Variants in EBF1 observed in about 807,000 individuals in gnomAD.
EBF1 encodes EBF transcription factor 1, also known as transcription factor COE1.
EBF1 carries 10 observed loss-of-function variants against 68.4 expected under a neutral mutation model. The observed-to-expected ratio is 0.15, with a 90% CI of 0.09 to 0.25. EBF1 has a LOEUF of 0.25. Ranked by LOEUF, EBF1 falls within the 10% of genes least tolerant of loss-of-function variation. The probability of loss-of-function intolerance (pLI) is 1.00; values close to 1 mark genes in which losing one functional copy is unlikely to be tolerated. For missense variants in EBF1, 509 were observed against 794.4 expected (o/e 0.64, Z 4.32); for synonymous variants, 298 against 299.8 (o/e 0.99, Z 0.06).
At chr5:158,927,057 C>T (rs1657530889) in intron 6 of EBF1, among the ~76,000 whole-genome samples, 1 of 152,178 alleles carries the variant, frequency 6.6e-6, no homozygotes, top group Non-Finnish European at 1.5e-5. Flanking sequence ...GTGGCTTCAC[C>T]CCATCTATGC....
chr5:159,001,672 T>C (rs758840022), intron 6 of EBF1, among the ~76,000 whole-genome samples: 14 of 152,320 alleles, frequency 9.2e-5, no homozygotes, highest in Non-Finnish European at 1.6e-4. Flanking sequence ...ACTAAAGTTG[T>C]TTAGATTTTT....
chr5:158,826,967 T>C (rs1162681320), intron 7 of EBF1, among the ~76,000 whole-genome samples: 2 of 152,208 alleles, frequency 1.3e-5, no homozygotes, highest in African/African-American at 4.8e-5. Context: ...CAAGCTTTCC[T>C]GGTTGATGTG....
chr5:158,985,013 T>A lies in EBF1; in HGVS notation c.554+88383A>T, dbSNP rs556054351. On this transcript the variant is annotated intron_variant, in intron 6 of 15. Coordinates refer to ENST00000313708, the MANE Select transcript of EBF1 (RefSeq NM_024007.5). ...CTGCTTTCTTTTCATTGAATTTTTC[T>A]TGTGGTTACCTCCCATCTACGGCAG... Among the ~76,000 whole-genome samples, 178 of 152,296 alleles carry A rather than the reference T, an allele frequency of 1.2e-3. 1 individual carries two copies. Among genetic ancestry groups the A allele is most frequent in the Non-Finnish European group, 2.2e-3 (151 of 68,030 alleles).
intron 10 of EBF1, among the ~76,000 whole-genome samples, chr5:158,769,575 C>T (rs967668110): frequency 2.0e-5 from 3 of 152,086 alleles, no homozygotes; most frequent in Non-Finnish European, 4.4e-5. Flanking sequence ...ATAGCTGTCA[C>T]GGAAGTACAA....
At chr5:158,806,653 T>A (rs1273655160) in intron 8 of EBF1, among the ~76,000 whole-genome samples, 1 of 152,190 alleles carries the variant, frequency 6.6e-6, no homozygotes, top group Non-Finnish European at 1.5e-5. Flanking sequence ...TAAGATGACT[T>A]ACACTTATTG....
chr5:158,969,486 G>A (rs966543930), intron 6 of EBF1, among the ~76,000 whole-genome samples: 7 of 151,754 alleles, frequency 4.6e-5, no homozygotes, highest in African/African-American at 7.3e-5. Context: ...GCTAGGGGCC[G>A]GGGGCTGTGG....
At chr5:158,797,578 CA>C (rs765862349) in intron 8 of EBF1, among the ~76,000 whole-genome samples, 1 of 151,966 alleles carries the variant, frequency 6.6e-6, no homozygotes, top group Non-Finnish European at 1.5e-5. Flanking sequence ...AAAAAACTGG[CA>C]AAAAAATATT....
At chr5:158,825,445 T>C (rs1785864437) in intron 7 of EBF1, among the ~76,000 whole-genome samples, 2 of 151,456 alleles carry the variant, frequency 1.3e-5, no homozygotes, top group Non-Finnish European at 2.9e-5. Flanking sequence ...CTGTTTTCAG[T>C]GTCAGGAAAT....
intron 9 of EBF1, among the ~76,000 whole-genome samples, chr5:158,795,945 A>C (rs1016567382): frequency 4.6e-5 from 7 of 152,186 alleles, no homozygotes; most frequent in Non-Finnish European, 1.0e-4. Flanking sequence ...ATGTTCCTTG[A>C]AGATCAGGCT....
At chr5:158,895,973 T>C (rs1193209379) in intron 6 of EBF1, among the ~76,000 whole-genome samples, 1 of 151,746 alleles carries the variant, frequency 6.6e-6, no homozygotes, top group Non-Finnish European at 1.5e-5. Context: ...GGTTAAAAGA[T>C]GGAAAGGAAA....
At chr5:158,837,767 C>A (rs1789156398) in intron 7 of EBF1, among the ~76,000 whole-genome samples, 1 of 152,128 alleles carries the variant, frequency 6.6e-6, no homozygotes, top group Admixed American at 6.5e-5. Context: ...CTTTTAGGTT[C>A]CCAGTGTCAT....
chr5:158,855,994 T>C (rs983834196), intron 6 of EBF1, among the ~76,000 whole-genome samples: 18 of 152,176 alleles, frequency 1.2e-4, no homozygotes, highest in African/African-American at 4.1e-4. Flanking sequence ...GTGGAGGATA[T>C]AAATAAAAAT....
intron 8 of EBF1, among the ~76,000 whole-genome samples, chr5:158,812,735 A>G (rs1022828830): frequency 2.0e-5 from 3 of 152,090 alleles, no homozygotes; most frequent in African/African-American, 7.2e-5. Flanking sequence ...AGCCTTGCTC[A>G]GTGTCCAGCT....
chr5:158,796,012 G>A (rs1191178439), intron 9 of EBF1, among the ~76,000 whole-genome samples: 2 of 152,068 alleles, frequency 1.3e-5, no homozygotes, highest in South Asian at 2.1e-4. Flanking sequence ...AAACTTGAAT[G>A]GGCTTTTTCT....
At chr5:158,894,381 T>C (rs1801764835) in intron 6 of EBF1, among the ~76,000 whole-genome samples, 3 of 150,890 alleles carry the variant, frequency 2.0e-5, no homozygotes, top group South Asian at 2.2e-4. Context: ...CATGAGAAAA[T>C]AAAAAATAGA....
At chr5:158,855,885 AC>A (rs1793902934) in intron 6 of EBF1, among the ~76,000 whole-genome samples, 2 of 152,094 alleles carry the variant, frequency 1.3e-5, no homozygotes, top group Non-Finnish European at 2.9e-5. Flanking sequence ...ATGGTGGGAC[AC>A]CCCCTGCCCT....
chr5:158,712,194 G>T lies in EBF1; in HGVS notation c.1509C>A (p.Pro503=), dbSNP rs367836384. The change falls in exon 14 of 16, where the codon CCC becomes CCA. Residue 503 remains proline, a synonymous_variant. Transcript: ENST00000313708. Reference sequence around the variant, plus strand: ...TGGCAGCTGAGCCGTTGAGGAAGGTGGGGGAGCCGCCCAAATTGGACATTG... The same window carrying T: ...TGGCAGCTGAGCCGTTGAGGAAGGTTGGGGAGCCGCCCAAATTGGACATTG... ...SAAMSNLGGS[P]TFLNGSAANS... 2 of 1,613,758 alleles carry T rather than the reference G, an allele frequency of 1.2e-6. No homozygotes were observed. The highest frequency in any genetic ancestry group is 1.7e-6 in the Non-Finnish European group (2 of 1,179,852).
At chr5:158,824,677 G>A (rs941938248) in intron 7 of EBF1, among the ~76,000 whole-genome samples, 22 of 152,234 alleles carry the variant, frequency 1.4e-4, no homozygotes, top group African/African-American at 4.6e-4. Context: ...AGGGGGCATC[G>A]ACTTCTGAAG....
intron 10 of EBF1, among the ~76,000 whole-genome samples, chr5:158,772,948 G>C (rs1185088455): frequency 6.6e-6 from 1 of 152,134 alleles, no homozygotes; most frequent in Non-Finnish European, 1.5e-5. Context: ...TAAGGTGACT[G>C]TGGTTTAGAG....
Sources: gnomAD v4.1 joint callset for allele counts (sites outside exome capture counted in the v4.1 genomes callset) on GRCh38, gnomAD v4.1.1 for gene constraint, MANE v1.5 for transcripts, NCBI Gene and HGNC (gene_info 2026-07-23, HGNC 2026-07-21) for gene names.